NXPE4: variants seen among roughly 807,000 people sequenced by gnomAD.
NXPE4 encodes the protein neurexophilin and PC-esterase domain family member 4.
In NXPE4, 42 loss-of-function variants were observed where a neutral mutation model predicts 33.3. The ratio of observed to expected loss-of-function variants is 1.26; its 90% CI spans 0.98 to 1.63. NXPE4 has a LOEUF of 1.63. Ranked by LOEUF, NXPE4 falls within the 40% of genes most tolerant of loss-of-function variation. The pLI, the probability that NXPE4 is intolerant of heterozygous loss-of-function variation, is 0.00. For synonymous variants in NXPE4, 253 were observed against 234.9 expected (o/e 1.08, Z -0.71); for missense variants, 709 against 647.6 (o/e 1.09, Z -1.03).
intron 2 of NXPE4, among the ~76,000 whole-genome samples, chr11:114,592,051 C>G (rs1345695737): frequency 6.6e-6 from 1 of 152,118 alleles, no homozygotes; most frequent in Non-Finnish European, 1.5e-5. Flanking sequence ...ACATGTATAA[C>G]AAATCCACAG....
chr11:114,576,988 T>C (rs1949008081), intron 5 of NXPE4, among the ~76,000 whole-genome samples: 2 of 114,704 alleles, frequency 1.7e-5, no homozygotes, highest in African/African-American at 7.4e-5. Context: ...TATATATATA[T>C]ATACATATAT....
chr11:114,591,620 T>G (rs1416160838), intron 2 of NXPE4, among the ~76,000 whole-genome samples: 1 of 152,180 alleles, frequency 6.6e-6, no homozygotes, highest in African/African-American at 2.4e-5. Context: ...GAGGGTATAC[T>G]TTCCAGCCCT....
chr11:114,626,815 A>G, the NXPE4 span, among the ~76,000 whole-genome samples: 3 of 152,202 alleles, frequency 2.0e-5, no homozygotes, highest in African/African-American at 7.2e-5. Context: ...AATACACAGA[A>G]GTGCTTAAAG....
intron 5 of NXPE4, among the ~76,000 whole-genome samples, chr11:114,575,880 C>T (rs542920928): frequency 1.8e-4 from 28 of 152,150 alleles, no homozygotes; most frequent in Admixed American, 4.6e-4. Flanking sequence ...CAAAAAAGAG[C>T]CCACATAGAC....
At chr11:114,621,271 A>G in the NXPE4 span, among the ~76,000 whole-genome samples, 1 of 152,154 alleles carries the variant, frequency 6.6e-6, no homozygotes, top group Admixed American at 6.5e-5. Context: ...CCTCATGGGT[A>G]ACCACTGTTA....
the NXPE4 span, among the ~76,000 whole-genome samples, chr11:114,627,419 A>G: frequency 6.6e-6 from 1 of 151,658 alleles, no homozygotes; most frequent in Non-Finnish European, 1.5e-5. Context: ...CAGCCAAACT[A>G]AGCTTCATAA....
the NXPE4 span, among the ~76,000 whole-genome samples, chr11:114,646,452 G>A: frequency 1.3e-5 from 2 of 151,752 alleles, no homozygotes; most frequent in South Asian, 2.1e-4. Flanking sequence ...AAACATTCTT[G>A]TATTCTTGAG....
chr11:114,592,443 A>G (rs1426115886), intron 2 of NXPE4, among the ~76,000 whole-genome samples: 24 of 152,106 alleles, frequency 1.6e-4, no homozygotes, highest in Non-Finnish European at 7.4e-5. Flanking sequence ...AAACCCTAGG[A>G]ATAAATTGAT....
the NXPE4 span, among the ~76,000 whole-genome samples, chr11:114,662,043 A>G: frequency 6.6e-6 from 1 of 152,204 alleles, no homozygotes; most frequent in Non-Finnish European, 1.5e-5. Context: ...AAGGACACCA[A>G]TTTAACAACT....
upstream of NXPE4, among the ~76,000 whole-genome samples, chr11:114,597,257 A>G (rs916564780): frequency 6.6e-6 from 1 of 152,304 alleles, no homozygotes; most frequent in African/African-American, 2.4e-5. Flanking sequence ...AATAGAAGGA[A>G]AAGGAGGAAA....
At chr11:114,657,907 C>G in the NXPE4 span, among the ~76,000 whole-genome samples, 5 of 152,210 alleles carry the variant, frequency 3.3e-5, no homozygotes, top group African/African-American at 9.6e-5. Context: ...CAATCAAAGA[C>G]GAATAGAATA....
the NXPE4 span, among the ~76,000 whole-genome samples, chr11:114,677,415 T>C: frequency 6.6e-5 from 10 of 152,072 alleles, no homozygotes; most frequent in Non-Finnish European, 5.9e-5. Context: ...ATTTGCGAAC[T>C]GTACCTCAAT....
chr11:114,573,894 AAG>A (rs1948943453), intron 5 of NXPE4, among the ~76,000 whole-genome samples: 1 of 152,124 alleles, frequency 6.6e-6, no homozygotes, highest in South Asian at 2.1e-4. Context: ...TCTACCCAAA[AAG>A]TGAAGAATAT....
the NXPE4 span, among the ~76,000 whole-genome samples, chr11:114,634,223 G>C: frequency 6.6e-6 from 1 of 151,846 alleles, no homozygotes; most frequent in Non-Finnish European, 1.5e-5. Context: ...GTGATGGTGA[G>C]CATTTTTTCA....
At chr11:114,671,458 A>G in the NXPE4 span, among the ~76,000 whole-genome samples, 1 of 152,018 alleles carries the variant, frequency 6.6e-6, no homozygotes. Flanking sequence ...TACAAGTACA[A>G]TAGTGTAAGG....
the NXPE4 span, among the ~76,000 whole-genome samples, chr11:114,640,097 TATG>T: frequency 1.5e-4 from 19 of 123,792 alleles, no homozygotes; most frequent in African/African-American, 4.4e-4. Flanking sequence ...TAATATAATA[TATG>T]ATTATATATT....
chr11:114,675,602 A>T, the NXPE4 span, among the ~76,000 whole-genome samples: 1 of 152,046 alleles, frequency 6.6e-6, no homozygotes, highest in African/African-American at 2.4e-5. Context: ...AGTAGGGAAA[A>T]GATCTCTTCA....
the NXPE4 span, among the ~76,000 whole-genome samples, chr11:114,604,091 A>C: frequency 0.015 from 2,241 of 152,160 alleles, 21 homozygotes; most frequent in Non-Finnish European, 0.022. Context: ...CTCATAGGTA[A>C]CTACTGTTAT....
chr11:114,613,833 C>T, the NXPE4 span, among the ~76,000 whole-genome samples: 6 of 151,646 alleles, frequency 4.0e-5, no homozygotes, highest in African/African-American at 1.5e-4. Flanking sequence ...ACCACTGTTA[C>T]CCTGTGGATA....
Sources: gnomAD v4.1 joint callset for allele counts (sites outside exome capture counted in the v4.1 genomes callset) on GRCh38, gnomAD v4.1.1 for gene constraint, MANE v1.5 for transcripts, NCBI Gene and HGNC (gene_info 2026-07-23, HGNC 2026-07-21) for gene names.